Variants in WDR27 observed in about 807,000 individuals in gnomAD.
The protein encoded by WDR27 is WD repeat domain 27.
WDR27 carries 100 observed loss-of-function variants against 114.4 expected under a neutral mutation model. That is an observed-to-expected ratio of 0.87 (90% CI 0.74 to 1.03). The LOEUF (loss-of-function observed/expected upper bound fraction) is 1.03, where lower values mean the gene tolerates loss of function less well. WDR27 is among the 50% of genes least tolerant of loss of function. The pLI is 0.00. For missense variants in WDR27, 1,129 were observed against 1,092.9 expected, an observed-to-expected ratio of 1.03 and a Z score of -0.47; for synonymous variants, 449 against 423.1, an observed-to-expected ratio of 1.06 and a Z score of -0.75.
chr6:169,516,893 T>A (rs1342178994), intron 25 of WDR27, among the ~76,000 whole-genome samples: 1 of 151,594 alleles, frequency 6.6e-6, no homozygotes, highest in Non-Finnish European at 1.5e-5. Context: ...GGAAAACATC[T>A]GTCCTGAGTG....
chr6:169,582,163 T>C (rs1012997702), intron 24 of WDR27, among the ~76,000 whole-genome samples: 1 of 152,114 alleles, frequency 6.6e-6, no homozygotes, highest in African/African-American at 2.4e-5. Context: ...TTAGTAGAGA[T>C]GGCGTTTCGC....
intron 21 of WDR27, among the ~76,000 whole-genome samples, chr6:169,622,495 C>T (rs1305972627): frequency 6.6e-6 from 1 of 152,158 alleles, no homozygotes; most frequent in Middle Eastern, 3.2e-3. Flanking sequence ...AGCCCAAAGT[C>T]AGACTGTTAA....
At chr6:169,664,041 G>A in intron 8 of WDR27, 125 bp downstream of exon 8, 2 of 916,382 alleles carry the variant, frequency 2.2e-6, no homozygotes, top group Non-Finnish European at 3.1e-6. Context: ...TTCTGAGGTT[G>A]CAGCCCTTGG....
At chr6:169,624,795 C>T (rs1046006506) in intron 21 of WDR27, among the ~76,000 whole-genome samples, 5 of 152,220 alleles carry the variant, frequency 3.3e-5, no homozygotes, top group African/African-American at 9.6e-5. Flanking sequence ...ACACGTGAGC[C>T]GCAGCCATGC....
At chr6:169,600,461 G>A (rs751072496) in intron 23 of WDR27, among the ~76,000 whole-genome samples, 20 of 152,268 alleles carry the variant, frequency 1.3e-4, no homozygotes, top group East Asian at 5.8e-4. Flanking sequence ...AAAGCTGGAC[G>A]GAGAATGACT....
At chr6:169,502,219 C>T (rs991902375) in intron 25 of WDR27, among the ~76,000 whole-genome samples, 1 of 152,202 alleles carries the variant, frequency 6.6e-6, no homozygotes, top group Non-Finnish European at 1.5e-5. Context: ...TCTGGCGGGA[C>T]GACCGCGGCC....
At chr6:169,475,083 T>G (rs546369106) in intron 25 of WDR27, among the ~76,000 whole-genome samples, 1 of 152,272 alleles carries the variant, frequency 6.6e-6, no homozygotes, top group African/African-American at 2.4e-5. Flanking sequence ...AACTTTGTCA[T>G]GGTGTCCTTC....
At chr6:169,666,713 C>T (rs1368128517) in intron 6 of WDR27, 1 of 988,696 alleles carries the variant, frequency 1.0e-6, no homozygotes, top group East Asian at 1.1e-4. Flanking sequence ...ACGAGCTGCA[C>T]ACGTGCTCAG....
At chr6:169,563,592 C>A (rs1025365995) in intron 25 of WDR27, among the ~76,000 whole-genome samples, 1 of 152,162 alleles carries the variant, frequency 6.6e-6, no homozygotes, top group Non-Finnish European at 1.5e-5. Flanking sequence ...ACTGTGCTCA[C>A]GAGAGACAAG....
At chr6:169,437,351 C>T in the WDR27 span, among the ~76,000 whole-genome samples, 1 of 152,132 alleles carries the variant, frequency 6.6e-6, no homozygotes, top group Non-Finnish European at 1.5e-5. Flanking sequence ...AAGGTTTTCT[C>T]AGAATGTTGA....
At position 169,684,302 on chromosome 6, in the gene WDR27, C is replaced by T. The variant is rs1782345160; in HGVS notation, c.189+4515G>A. ...ATTCACCCCTGGGCCAGCAGAGTTG[C>T]TAAACACCTGTGCTCAGGACCTGGG... On this transcript the variant is annotated intron_variant, in intron 2 of 25. Transcript: ENST00000448612. This position sits in a 1 kb window ranked among gnomAD's most constrained non-coding sequence, Gnocchi z 4.3. Among the ~76,000 whole-genome samples, 1 of 152,242 alleles carries T rather than the reference C, an allele frequency of 6.6e-6. No individual in the cohort carries two copies. Among genetic ancestry groups the T allele is most frequent in the Non-Finnish European group, 1.5e-5 (1 of 67,996 alleles).
chr6:169,551,773 A>G (rs1252318048), intron 25 of WDR27, among the ~76,000 whole-genome samples: 1 of 151,672 alleles, frequency 6.6e-6, no homozygotes, highest in African/African-American at 2.4e-5. Flanking sequence ...AAAAGAAAAG[A>G]AAAAACGTGT....
At chr6:169,434,302 A>G in the WDR27 span, among the ~76,000 whole-genome samples, 2 of 152,188 alleles carry the variant, frequency 1.3e-5, no homozygotes, top group Non-Finnish European at 2.9e-5. Flanking sequence ...TGTTTTCTGC[A>G]TATGGCTAGC....
intron 25 of WDR27, among the ~76,000 whole-genome samples, chr6:169,458,950 A>C (rs2115253712): frequency 6.6e-6 from 1 of 152,268 alleles, no homozygotes; most frequent in South Asian, 2.1e-4. Flanking sequence ...AAAATAAACA[A>C]AACAATGACA....
intron 2 of WDR27, among the ~76,000 whole-genome samples, chr6:169,679,868 A>G (rs1781051239): frequency 1.3e-5 from 2 of 152,236 alleles, no homozygotes; most frequent in African/African-American, 4.8e-5. Flanking sequence ...ACACCAAAAC[A>G]TAGCATGATC....
At chr6:169,696,748 T>C (rs1234253206) in intron 1 of WDR27, among the ~76,000 whole-genome samples, 7 of 152,092 alleles carry the variant, frequency 4.6e-5, no homozygotes, top group Non-Finnish European at 1.0e-4. Flanking sequence ...GCCCCATCTC[T>C]ACTAAAAATA....
intron 17 of WDR27, among the ~76,000 whole-genome samples, chr6:169,639,100 G>A (rs1818485230): frequency 6.7e-6 from 1 of 150,346 alleles, no homozygotes; most frequent in Admixed American, 6.7e-5. Flanking sequence ...GCCAGGCAGT[G>A]TGGAGCGTGT....
chr6:169,452,132 T>C, the WDR27 span, among the ~76,000 whole-genome samples: 1 of 152,312 alleles, frequency 6.6e-6, no homozygotes, highest in East Asian at 1.9e-4. Flanking sequence ...AAGAAAAACA[T>C]TATTTTATTT....
At chr6:169,686,103 T>C (rs1782881086) in intron 2 of WDR27, among the ~76,000 whole-genome samples, 1 of 152,204 alleles carries the variant, frequency 6.6e-6, no homozygotes, top group Non-Finnish European at 1.5e-5. Flanking sequence ...AGCAAAGCTA[T>C]TTTTAAGAAA....
Sources: gnomAD v4.1 joint callset for allele counts (sites outside exome capture counted in the v4.1 genomes callset) on GRCh38, gnomAD v4.1.1 for gene constraint, Gnocchi (gnomAD v3.1) non-coding constraint, MANE v1.5 for transcripts, NCBI Gene and HGNC (gene_info 2026-07-23, HGNC 2026-07-21) for gene names.